The following MYRFL variants were observed in gnomAD, a reference collection of about 807,000 sequenced individuals.
The protein encoded by MYRFL is myelin regulatory factor like, also known as myelin regulatory factor-like protein.
A neutral mutation model predicts 109.4 loss-of-function variants in MYRFL; 88 were observed. The observed-to-expected ratio is 0.80, with a 90% CI of 0.68 to 0.96. The LOEUF (loss-of-function observed/expected upper bound fraction) is 0.96. Among genes scored for constraint, MYRFL ranks in the 40% least tolerant of loss-of-function variants. MYRFL has a pLI of 0.00. For missense variants in MYRFL, 957 were observed against 954.9 expected, an observed-to-expected ratio of 1.00 and a Z score of -0.03; for synonymous variants, 324 against 320.9, an observed-to-expected ratio of 1.01 and a Z score of -0.10.
At chr12:69,920,178 C>A (rs1954865498) in intron 13 of MYRFL, among the ~76,000 whole-genome samples, 1 of 152,150 alleles carries the variant, frequency 6.6e-6, no homozygotes, top group Non-Finnish European at 1.5e-5. Context: ...GAGGACAGGA[C>A]CTAACCTGAG....
intron 15 of MYRFL, among the ~76,000 whole-genome samples, chr12:69,930,387 C>T: frequency 6.6e-6 from 1 of 152,204 alleles, no homozygotes; most frequent in South Asian, 2.1e-4. Context: ...TAGGGTTCCT[C>T]TTTTTTCCCT....
chr12:69,852,248 T>G (rs1272257873), intron 1 of MYRFL, among the ~76,000 whole-genome samples: 1 of 152,152 alleles, frequency 6.6e-6, no homozygotes, highest in African/African-American at 2.4e-5. Context: ...TTTTGCAATG[T>G]TGTCTTTCAG....
intron 5 of MYRFL, among the ~76,000 whole-genome samples, chr12:69,882,223 C>A (rs536727645): frequency 2.0e-5 from 3 of 152,062 alleles, no homozygotes; most frequent in African/African-American, 7.2e-5. Context: ...ATTCACAGGT[C>A]ACTGAAAAGC....
chr12:69,835,607 C>T (rs1203914194), intron 1 of MYRFL, among the ~76,000 whole-genome samples: 5 of 152,114 alleles, frequency 3.3e-5, no homozygotes, highest in Admixed American at 6.5e-5. Flanking sequence ...TAGTGGATTC[C>T]GTAGATGGAA....
chr12:69,910,886 T>G lies in MYRFL; in HGVS notation c.1558T>G (p.Cys520Gly). ...AGTAAGAGAGGTTGGTGATGTCACC[T>G]GCGGAAACGGAGAGACCTTGGAGAA... ...RAVREVGDVT[C>G]GNGETLENFL... The change falls in exon 13 of 25, where the codon TGC (cysteine) becomes GGC (glycine). Residue 520 changes from cysteine to glycine, a missense_variant. Transcript: ENST00000552032. 6.5e-7 allele frequency: 1 copy of G among 1,535,284 alleles called. No individual in the cohort carries two copies. The highest frequency in any genetic ancestry group is 8.7e-7 in the Non-Finnish European group (1 of 1,146,314).
chr12:69,853,191 C>T (rs1384434779), intron 1 of MYRFL, among the ~76,000 whole-genome samples: 5 of 150,504 alleles, frequency 3.3e-5, no homozygotes, highest in Non-Finnish European at 5.9e-5. Flanking sequence ...ATCTCCCGGA[C>T]GGGGCAGCTG....
chr12:69,926,401 CTG>C (rs1955083592), intron 13 of MYRFL, among the ~76,000 whole-genome samples, 168 bp from the exon 14 acceptor site: 1 of 152,136 alleles, frequency 6.6e-6, no homozygotes. Flanking sequence ...TTTAGCAAGA[CTG>C]TGTTCAGTTT....
At chr12:69,937,792 A>G (rs1955516435) in intron 19 of MYRFL, among the ~76,000 whole-genome samples, 1 of 152,190 alleles carries the variant, frequency 6.6e-6, no homozygotes, top group Admixed American at 6.5e-5. Flanking sequence ...GTGCAATGTA[A>G]TTTCCTTTCC....
chr12:69,844,653 G>C (rs758389472), intron 1 of MYRFL, among the ~76,000 whole-genome samples: 1 of 152,180 alleles, frequency 6.6e-6, no homozygotes, highest in South Asian at 2.1e-4. Context: ...CTTACAAGCT[G>C]TGTGACTCTG....
At chr12:69,929,275 C>T (rs879572503) in intron 15 of MYRFL, among the ~76,000 whole-genome samples, 26 of 152,146 alleles carry the variant, frequency 1.7e-4, no homozygotes, top group Non-Finnish European at 2.5e-4. Flanking sequence ...AGACCTCTTG[C>T]TGTCACTGTA....
chr12:69,843,418 G>A (rs1883354495), intron 1 of MYRFL, among the ~76,000 whole-genome samples: 1 of 152,228 alleles, frequency 6.6e-6, no homozygotes, highest in African/African-American at 2.4e-5. Context: ...TGTGCACCAA[G>A]TGTGAAAGAA....
chr12:69,826,410 A>T (rs1156366666), intron 1 of MYRFL, among the ~76,000 whole-genome samples: 1 of 152,108 alleles, frequency 6.6e-6, no homozygotes, highest in African/African-American at 2.4e-5. Flanking sequence ...ATTTTATATC[A>T]TATATAATTT....
At chr12:69,931,887 C>CTAA (rs1427487771) in intron 15 of MYRFL, among the ~76,000 whole-genome samples, 2 of 152,136 alleles carry the variant, frequency 1.3e-5, no homozygotes, top group East Asian at 3.9e-4. Flanking sequence ...CTATAATTTA[C>CTAA]TGATTTTCAT....
intron 2 of MYRFL, among the ~76,000 whole-genome samples, chr12:69,876,034 G>GC (rs1885644329): frequency 2.6e-5 from 4 of 152,200 alleles, no homozygotes. Flanking sequence ...TGCGCAGTCT[G>GC]CCCCATATAT....
intron 20 of MYRFL, 114 bp downstream of exon 20, chr12:69,952,289 C>A: frequency 1.2e-6 from 1 of 866,982 alleles, no homozygotes; most frequent in Non-Finnish European, 1.8e-6. Context: ...AGCCTGCCTG[C>A]CACGCATATC....
chr12:69,951,581 C>T (rs1001706424), intron 19 of MYRFL, among the ~76,000 whole-genome samples: 1 of 152,096 alleles, frequency 6.6e-6, no homozygotes, highest in African/African-American at 2.4e-5. Flanking sequence ...GCATGCACCA[C>T]CATGCCTGGC....
chr12:69,955,254 T>C lies in MYRFL; in HGVS notation c.2376-109T>C, dbSNP rs751377833. 3.0e-5 allele frequency: 12 copies of C among 400,720 alleles called. 1 individual carries two copies. The Middle Eastern group carries it at 4.2e-3, about 140-fold the overall frequency. 24.8% of individuals were successfully genotyped at this position (400,720 alleles called of 1,614,324 possible). A position where few individuals can be genotyped will look rare whatever the true frequency, so the allele number is the denominator to read the frequency against. ...AACTCAGTTTTCCATATTTATTATT[T>C]ACTATATAATATTTCACAGTTTTTA... On this transcript the variant is annotated intron_variant, in intron 21 of 24. Coordinates refer to ENST00000552032, the MANE Select transcript of MYRFL (RefSeq NM_182530.3).
intron 19 of MYRFL, among the ~76,000 whole-genome samples, chr12:69,940,908 A>C (rs535470672): frequency 2.4e-4 from 24 of 99,610 alleles, no homozygotes; most frequent in African/African-American, 9.0e-4. Flanking sequence ...AACAGACTTT[A>C]AACCAACAAA....
At chr12:69,888,381 C>A (rs1750000833) in intron 6 of MYRFL, among the ~76,000 whole-genome samples, 1 of 152,120 alleles carries the variant, frequency 6.6e-6, no homozygotes, top group South Asian at 2.1e-4. Flanking sequence ...ATAGTTAGGT[C>A]TAATTTGTTA....
Sources: gnomAD v4.1 joint callset for allele counts (sites outside exome capture counted in the v4.1 genomes callset) on GRCh38, gnomAD v4.1.1 for gene constraint, MANE v1.5 for transcripts, NCBI Gene and HGNC (gene_info 2026-07-23, HGNC 2026-07-21) for gene names.